Variants in SPATA13 observed in about 807,000 individuals in gnomAD.
The protein encoded by SPATA13 is spermatogenesis associated 13.
SPATA13 carries 50 observed loss-of-function variants against 104.0 expected under a neutral mutation model. The observed-to-expected ratio is 0.48, with a 90% confidence interval of 0.38 to 0.61. The LOEUF is 0.61. SPATA13 is among the 20% of genes least tolerant of loss of function. SPATA13 has a pLI of 0.00. For missense variants in SPATA13, 1,524 were observed against 1,690.6 expected (o/e 0.90, Z 1.73); for synonymous variants, 606 against 667.5 (o/e 0.91, Z 1.42).
intron 3 of SPATA13, among the ~76,000 whole-genome samples, chr13:24,018,044 T>C (rs928673384): frequency 6.6e-6 from 1 of 152,212 alleles, no homozygotes; most frequent in Admixed American, 6.5e-5. Flanking sequence ...TTGGGAATGA[T>C]TTTGTTTTGA....
At chr13:24,293,682 C>T (rs552949095) in intron 9 of SPATA13, among the ~76,000 whole-genome samples, 1 of 152,310 alleles carries the variant, frequency 6.6e-6, no homozygotes, top group Admixed American at 6.5e-5. Flanking sequence ...TTGCTGGAGG[C>T]CTCTTTGGGG....
chr13:24,298,834 CA>C (rs1876975314), intron 11 of SPATA13, among the ~76,000 whole-genome samples: 1 of 152,130 alleles, frequency 6.6e-6, no homozygotes, highest in Non-Finnish European at 1.5e-5. Flanking sequence ...GAGGGATTTA[CA>C]AGTTGGTCAG....
chr13:24,159,128 GATA>G (rs1882356042), upstream of SPATA13, among the ~76,000 whole-genome samples: 1 of 34,620 alleles, frequency 2.9e-5, no homozygotes, highest in Non-Finnish European at 1.6e-4. Flanking sequence ...TTTAGACCGT[GATA>G]TTTTTTTTTA....
chr13:24,140,486 G>A (rs954753778), intron 3 of SPATA13, among the ~76,000 whole-genome samples: 5 of 152,182 alleles, frequency 3.3e-5, no homozygotes, highest in Non-Finnish European at 7.3e-5. Flanking sequence ...TGGGTTAAGC[G>A]ATTCTGGAAC....
Position 24,305,311 on chromosome 13 carries a change from A to G in SPATA13, c.*2538A>G, listed in dbSNP as rs1036384960. On this transcript the variant is annotated 3_prime_UTR_variant, in exon 13 of 13. Coordinates refer to ENST00000382108, the MANE Select transcript of SPATA13 (RefSeq NM_001166271.3). ...ATGTGTTTTTGTTAAGTCAGGTTCA[A>G]TTCGTTGCCCCTGTCAGTTTTATAG... 2 of 152,226 alleles carry G rather than the reference A, an allele frequency of 1.3e-5. No homozygotes were observed. The highest frequency in any genetic ancestry group is 4.8e-5 in the African/African-American group (2 of 41,462). The allele number at this position is 152,226 out of a possible 1,614,324, so 9.4% of individuals were successfully genotyped here.
chr13:23,994,850 G>T (rs1347802443), intron 2 of SPATA13, among the ~76,000 whole-genome samples: 1 of 152,136 alleles, frequency 6.6e-6, no homozygotes. Flanking sequence ...TACATTTTAG[G>T]CCAAAAGGCA....
intron 1 of SPATA13, among the ~76,000 whole-genome samples, chr13:24,220,307 C>T (rs1237525782): frequency 6.6e-6 from 1 of 152,130 alleles, no homozygotes; most frequent in Non-Finnish European, 1.5e-5. Flanking sequence ...ATAGTGCCCT[C>T]TGGTGGTGTC....
intron 3 of SPATA13, among the ~76,000 whole-genome samples, chr13:24,133,976 G>A (rs747757306): frequency 3.9e-5 from 6 of 152,172 alleles, no homozygotes; most frequent in Non-Finnish European, 7.4e-5. Flanking sequence ...GGGCTGGGTC[G>A]AGCCCCTGGG....
At chr13:24,287,050 C>A in intron 7 of SPATA13, 100 bp downstream of exon 7, 1 of 971,386 alleles carries the variant, frequency 1.0e-6, no homozygotes, top group Non-Finnish European at 1.5e-6. Flanking sequence ...CCCCATCAGG[C>A]TCCCACATGT....
At chr13:23,986,901 G>A (rs1357688449) in intron 2 of SPATA13, among the ~76,000 whole-genome samples, 1 of 152,058 alleles carries the variant, frequency 6.6e-6, no homozygotes, top group Non-Finnish European at 1.5e-5. Flanking sequence ...TGTGCAAGGA[G>A]TTCAGCATAT....
chr13:23,991,238 G>A (rs1450387104), intron 2 of SPATA13, among the ~76,000 whole-genome samples: 2 of 152,190 alleles, frequency 1.3e-5, no homozygotes, highest in Non-Finnish European at 2.9e-5. Context: ...AAGAACCTGT[G>A]CTGTCTTTTC....
Position 24,108,980 on chromosome 13 carries a change from T to C in SPATA13, c.-112+91279T>C, listed in dbSNP as rs1880547545. ...TATTTTATTTTATTTTTTTAAATTA[T>C]ACTTTAAGTTCTAGGGTACATGTGC... On this transcript the variant is annotated intron_variant, in intron 3 of 14. Transcript: ENST00000424834. Among the ~76,000 whole-genome samples, 2 of 152,150 alleles carry C rather than the reference T, an allele frequency of 1.3e-5. 1 individual carries two copies. Among genetic ancestry groups the C allele is most frequent in the Non-Finnish European group, 2.9e-5 (2 of 68,014 alleles).
chr13:24,285,844 C>T (rs754021083), intron 5 of SPATA13, among the ~76,000 whole-genome samples: 4 of 152,246 alleles, frequency 2.6e-5, no homozygotes, highest in South Asian at 2.1e-4. Context: ...CCACGCCTGG[C>T]TAATTTTTGT....
intron 11 of SPATA13, among the ~76,000 whole-genome samples, chr13:24,300,126 G>A (rs983624836): frequency 4.6e-5 from 7 of 152,074 alleles, no homozygotes; most frequent in African/African-American, 9.7e-5. Flanking sequence ...CGGGAGCGTC[G>A]GGCTTCACAC....
chr13:24,254,575 G>A (rs1873685804), intron 4 of SPATA13: 1 of 152,316 alleles, frequency 6.6e-6, no homozygotes, highest in Admixed American at 6.5e-5. Flanking sequence ...GGGCCTTCTA[G>A]AGGATCCACA....
At chr13:24,045,191 A>G (rs1434119927) in intron 3 of SPATA13, among the ~76,000 whole-genome samples, 1 of 152,208 alleles carries the variant, frequency 6.6e-6, no homozygotes, top group Non-Finnish European at 1.5e-5. Flanking sequence ...TGTACCTGAA[A>G]GATTGTCTTC....
At chr13:24,068,917 T>C (rs1879063648) in intron 3 of SPATA13, among the ~76,000 whole-genome samples, 1 of 152,220 alleles carries the variant, frequency 6.6e-6, no homozygotes, top group African/African-American at 2.4e-5. Context: ...TAGACCTTTG[T>C]TGGATGCATA....
intron 1 of SPATA13, among the ~76,000 whole-genome samples, chr13:24,189,357 C>T (rs1352756456): frequency 1.3e-5 from 2 of 151,030 alleles, no homozygotes; most frequent in Non-Finnish European, 2.9e-5. Flanking sequence ...TATAATAGTG[C>T]CAGCAACTCT....
chr13:24,142,102 AG>A lies in SPATA13; in HGVS notation c.-111-80714del, dbSNP rs1242036905. Among the ~76,000 whole-genome samples, 7 of 97,710 alleles carry A rather than the reference AG, an allele frequency of 7.2e-5. No homozygotes were observed. The Admixed American group carries it at 9.5e-4, about 13-fold the overall frequency. 64.1% of individuals were successfully genotyped at this position (97,710 alleles called of 152,430 possible). On this transcript the variant is annotated intron_variant, in intron 3 of 14. Coordinates refer to the SPATA13 transcript ENST00000424834. Reference sequence around the variant, plus strand: ...ATCTTGGACAGTATTAATCATTTGTAGGGAAAGGTTTTTTTTTTTTAGCTTT... The same window carrying A: ...ATCTTGGACAGTATTAATCATTTGTAGGAAAGGTTTTTTTTTTTTAGCTTT...
Sources: gnomAD v4.1 joint callset for allele counts (sites outside exome capture counted in the v4.1 genomes callset) on GRCh38, gnomAD v4.1.1 for gene constraint, MANE v1.5 for transcripts, NCBI Gene and HGNC (gene_info 2026-07-23, HGNC 2026-07-21) for gene names.